The following PPM1L variants were observed in gnomAD, a reference collection of about 807,000 sequenced individuals.
The protein encoded by PPM1L is protein phosphatase 1L.
PPM1L carries 13 observed loss-of-function variants against 31.4 expected under a neutral mutation model. The ratio of observed to expected loss-of-function variants is 0.41; its 90% CI spans 0.27 to 0.66. PPM1L has a LOEUF of 0.66. Among genes scored for constraint, PPM1L ranks in the 30% least tolerant of loss-of-function variants. PPM1L has a pLI of 0.29. For missense variants in PPM1L, 326 were observed against 453.7 expected (o/e 0.72, Z 2.56); for synonymous variants, 184 against 175.4 (o/e 1.05, Z -0.39).
chr3:160,997,271 CTTG>C (rs1717352209), intron 2 of PPM1L, among the ~76,000 whole-genome samples: 1 of 152,120 alleles, frequency 6.6e-6, no homozygotes, highest in Non-Finnish European at 1.5e-5. Context: ...ACAGTAAATG[CTTG>C]CAACAAGGAG....
chr3:160,999,006 T>G (rs1717404368), intron 2 of PPM1L, among the ~76,000 whole-genome samples: 1 of 152,068 alleles, frequency 6.6e-6, no homozygotes, highest in African/African-American at 2.4e-5. Context: ...GTTTTCTCAG[T>G]TAAGGCTACT....
chr3:160,984,255 G>T (rs898992480), intron 2 of PPM1L, among the ~76,000 whole-genome samples: 1 of 152,092 alleles, frequency 6.6e-6, no homozygotes, highest in Non-Finnish European at 1.5e-5. Flanking sequence ...CTTTTTCCAG[G>T]GCTGTTAATT....
chr3:161,044,296 T>G (rs1417589855), intron 2 of PPM1L, among the ~76,000 whole-genome samples: 2 of 152,104 alleles, frequency 1.3e-5, no homozygotes, highest in Non-Finnish European at 2.9e-5. Context: ...CACCTTGGCC[T>G]CCTAAAGTGC....
In PPM1L at chr3:160,926,931, A is replaced by G. The variant is rs1440499228; in HGVS notation, c.400-34805A>G. Among the ~76,000 whole-genome samples the G allele has an allele frequency of 4.6e-5, 7 of 152,362 alleles. No homozygotes were observed. The East Asian group carries it at 1.3e-3, about 29-fold the overall frequency. ...CGTGTTTTATTTCAAGTATATTCCA[A>G]GGAGCTTGTTTAGTCCTATAAATAA... On this transcript the variant is annotated intron_variant, in intron 1 of 3. Coordinates refer to ENST00000498165, the MANE Select transcript of PPM1L (RefSeq NM_139245.4).
intron 2 of PPM1L, among the ~76,000 whole-genome samples, chr3:161,036,761 T>C (rs551188290): frequency 3.9e-5 from 6 of 152,326 alleles, no homozygotes; most frequent in Admixed American, 1.3e-4. Context: ...AGTACATTCG[T>C]ATTGATTGCT....
chr3:160,770,003 T>G (rs1715208496), intron 1 of PPM1L, among the ~76,000 whole-genome samples: 1 of 152,166 alleles, frequency 6.6e-6, no homozygotes, highest in African/African-American at 2.4e-5. Context: ...TACTTATCCT[T>G]CTGCTGCTAC....
At chr3:160,916,360 A>G (rs1560150120) in intron 1 of PPM1L, among the ~76,000 whole-genome samples, 1 of 152,134 alleles carries the variant, frequency 6.6e-6, no homozygotes, top group Non-Finnish European at 1.5e-5. Context: ...CCACAATAAG[A>G]AGGAGCTCTT....
chr3:161,031,716 G>A (rs1414540721), intron 2 of PPM1L, among the ~76,000 whole-genome samples: 1 of 151,808 alleles, frequency 6.6e-6, no homozygotes, highest in African/African-American at 2.4e-5. Flanking sequence ...GTGTTGCCCA[G>A]GCTGGTCTCA....
Position 160,852,148 on chromosome 3 carries a change from C to T in PPM1L, c.399+95441C>T, listed in dbSNP as rs551440143. On this transcript the variant is annotated intron_variant, in intron 1 of 3. Coordinates refer to ENST00000498165, the MANE Select transcript of PPM1L (RefSeq NM_139245.4). ...CATAAAGGAAGATGCTGGCTATTAT[C>T]TCTCCTCAGAAGGAAATTGTTGATA... Among the ~76,000 whole-genome samples, 17 of 152,270 alleles carry T rather than the reference C, an allele frequency of 1.1e-4. No individual in the cohort carries two copies. In the South Asian group the frequency reaches 3.3e-3, roughly 30 times the overall value.
At position 160,969,468 on chromosome 3, in the gene PPM1L, G is replaced by A. The variant is rs114694278; in HGVS notation, c.574+7558G>A. ...GGGGAAAAAATTGAACATACATCCA[G>A]CAACCAAACCCAGGAAAGAGTGTGT... On this transcript the variant is annotated intron_variant, in intron 2 of 3. Transcript: ENST00000498165. 4.7e-3 allele frequency among the ~76,000 whole-genome samples: 714 copies of A among 152,222 alleles called. 7 individuals carry two copies. Among genetic ancestry groups the A allele is most frequent in the African/African-American group, 0.016 (654 of 41,538 alleles).
chr3:160,852,707 G>A (rs1259582114), intron 1 of PPM1L, among the ~76,000 whole-genome samples: 2 of 152,146 alleles, frequency 1.3e-5, no homozygotes, highest in African/African-American at 4.8e-5. Flanking sequence ...CAGCAACTAT[G>A]CTTTTAATAT....
At chr3:160,917,739 C>T (rs1714239066) in intron 1 of PPM1L, among the ~76,000 whole-genome samples, 1 of 152,092 alleles carries the variant, frequency 6.6e-6, no homozygotes, top group Non-Finnish European at 1.5e-5. Flanking sequence ...AACATGATTT[C>T]AAAGGAAGGC....
intron 1 of PPM1L, among the ~76,000 whole-genome samples, chr3:160,905,997 C>T (rs1713741667): frequency 6.6e-6 from 1 of 151,890 alleles, no homozygotes; most frequent in East Asian, 1.9e-4. Context: ...TCCTTTTGGG[C>T]TTCTATTCAT....
At chr3:160,776,638 C>T (rs552940438) in intron 1 of PPM1L, among the ~76,000 whole-genome samples, 73 of 147,376 alleles carry the variant, frequency 5.0e-4, no homozygotes, top group Non-Finnish European at 7.7e-4. Flanking sequence ...GAGTCTCACT[C>T]AGTCGCCCAG....
intron 1 of PPM1L, among the ~76,000 whole-genome samples, chr3:160,818,333 G>A (rs1713056378): frequency 6.6e-6 from 1 of 151,990 alleles, no homozygotes; most frequent in Non-Finnish European, 1.5e-5. Flanking sequence ...TATGAAATTA[G>A]CACCTTACTC....
intron 1 of PPM1L, among the ~76,000 whole-genome samples, chr3:160,768,712 T>G (rs546967759): frequency 6.6e-6 from 1 of 152,262 alleles, no homozygotes; most frequent in South Asian, 2.1e-4. Context: ...GAGTGGGTTC[T>G]AGCTGGCCAC....
intron 1 of PPM1L, among the ~76,000 whole-genome samples, chr3:160,863,346 G>A (rs1711972372): frequency 6.6e-6 from 1 of 152,104 alleles, no homozygotes; most frequent in African/African-American, 2.4e-5. Context: ...AGCCCCTGGG[G>A]TACTACTCAG....
At chr3:160,894,611 C>G (rs1045088198) in intron 1 of PPM1L, among the ~76,000 whole-genome samples, 1 of 152,132 alleles carries the variant, frequency 6.6e-6, no homozygotes, top group Non-Finnish European at 1.5e-5. Flanking sequence ...GATCACAAAG[C>G]CAGTTAGTGG....
chr3:161,019,952 C>T (rs575291591), intron 2 of PPM1L, among the ~76,000 whole-genome samples: 294 of 152,022 alleles, frequency 1.9e-3, no homozygotes, highest in African/African-American at 6.9e-3. Flanking sequence ...GTGAAAAACC[C>T]CCTCTCTACT....
Sources: allele counts gnomAD v4.1 joint callset (sites outside exome capture counted in the v4.1 genomes callset), GRCh38; gene constraint gnomAD v4.1.1; transcripts MANE v1.5; gene names NCBI Gene and HGNC (gene_info 2026-07-23, HGNC 2026-07-21).